Variants in PCSK5 observed in about 807,000 individuals in gnomAD.
The protein encoded by PCSK5 is prohormone convertase 5.
PCSK5 carries 129 observed loss-of-function variants against 233.2 expected under a neutral mutation model. That is an observed-to-expected ratio of 0.55 (90% CI 0.48 to 0.64). The LOEUF (loss-of-function observed/expected upper bound fraction) is 0.64. Ranked by LOEUF, PCSK5 falls within the 30% of genes least tolerant of loss-of-function variation. PCSK5 has a pLI of 0.00. For missense variants in PCSK5, 2,076 were observed against 2,430.1 expected (o/e 0.85, Z 3.06); for synonymous variants, 825 against 879.2 (o/e 0.94, Z 1.09).
At chr9:76,284,187 T>C (rs966663820) in intron 24 of PCSK5, among the ~76,000 whole-genome samples, 2 of 152,192 alleles carry the variant, frequency 1.3e-5, no homozygotes, top group Non-Finnish European at 2.9e-5. Flanking sequence ...TGTTCTACTC[T>C]AGCACATCTC....
chr9:76,008,254 G>A (rs1276426184), intron 3 of PCSK5, among the ~76,000 whole-genome samples: 2 of 151,962 alleles, frequency 1.3e-5, no homozygotes, highest in Admixed American at 1.3e-4. Context: ...GTAATTTGAG[G>A]TTTGTTGTGT....
At chr9:76,064,844 A>G (rs1297776547) in intron 5 of PCSK5, among the ~76,000 whole-genome samples, 5 of 151,966 alleles carry the variant, frequency 3.3e-5, no homozygotes, top group African/African-American at 9.7e-5. Flanking sequence ...CTCACTTCCT[A>G]GATGTGATCT....
intron 3 of PCSK5, among the ~76,000 whole-genome samples, chr9:76,011,339 A>G (rs557317029): frequency 6.6e-6 from 1 of 152,298 alleles, no homozygotes; most frequent in African/African-American, 2.4e-5. Flanking sequence ...TGGACATATT[A>G]TTGGCCTGTC....
chr9:76,190,739 G>A lies in PCSK5; in HGVS notation c.2626+993G>A, dbSNP rs543294633. ...TCTTACAGAAGGGAAAACCCAAGGT[G>A]TAGAGCTAGGAAATGATAGACCTAA... On this transcript the variant is annotated intron_variant, in intron 20 of 37. Transcript: ENST00000674117. Among the ~76,000 whole-genome samples the A allele has an allele frequency of 7.2e-5, 11 of 152,332 alleles. No homozygotes were observed. In the East Asian group the frequency reaches 2.1e-3, roughly 29 times the overall value.
chr9:76,230,851 C>T (rs200500781), intron 21 of PCSK5, among the ~76,000 whole-genome samples: 1 of 152,156 alleles, frequency 6.6e-6, no homozygotes, highest in East Asian at 1.9e-4. Flanking sequence ...GGAAAACAAG[C>T]TCAGGGCTCC....
intron 20 of PCSK5, among the ~76,000 whole-genome samples, chr9:76,216,152 T>C (rs1825522163): frequency 6.6e-6 from 1 of 152,076 alleles, no homozygotes; most frequent in African/African-American, 2.4e-5. Context: ...GACTTCTCTG[T>C]AGGACTAGGC....
At chr9:76,278,207 G>A (rs114618830) in intron 24 of PCSK5, among the ~76,000 whole-genome samples, 1,992 of 152,192 alleles carry the variant, frequency 0.013, 39 homozygotes, top group African/African-American at 0.045. Context: ...ACCCCATCTC[G>A]TATTCATTGG....
chr9:76,181,609 A>G lies in PCSK5; in HGVS notation c.2197+18A>G, dbSNP rs367782627. ...GGATACCAGTAAGCTCACTTCAAAT[A>G]CTTGGGTTTTAGAGAAGAAATGTGG... On this transcript the variant is annotated intron_variant, in intron 16 of 37. Coordinates refer to ENST00000674117, the MANE Select transcript of PCSK5 (RefSeq NM_001372043.1). 130 of 1,566,710 alleles carry G rather than the reference A, an allele frequency of 8.3e-5. No homozygotes were observed. The African/African-American group carries it at 1.5e-3, about 18-fold the overall frequency.
chr9:75,910,695 A>T (rs1822688132), intron 1 of PCSK5, among the ~76,000 whole-genome samples: 2 of 152,176 alleles, frequency 1.3e-5, no homozygotes, highest in South Asian at 2.1e-4. Flanking sequence ...AAAATTGTTT[A>T]ATAGAGAACT....
chr9:76,225,333 T>A (rs1049668003), intron 20 of PCSK5, among the ~76,000 whole-genome samples: 1 of 152,196 alleles, frequency 6.6e-6, no homozygotes, highest in Non-Finnish European at 1.5e-5. Flanking sequence ...AATGAATGAA[T>A]GGATAAGCTG....
intron 3 of PCSK5, among the ~76,000 whole-genome samples, chr9:76,022,166 C>T (rs1369230771): frequency 1.3e-5 from 2 of 152,166 alleles, no homozygotes; most frequent in East Asian, 3.8e-4. Context: ...ACACAAAGAG[C>T]CTTTAAAACA....
At chr9:76,351,620 GAGAA>G (rs1830165959) in intron 36 of PCSK5, among the ~76,000 whole-genome samples, 2 of 137,266 alleles carry the variant, frequency 1.5e-5, no homozygotes, top group African/African-American at 5.3e-5. Flanking sequence ...GAAAAAGAAA[GAGAA>G]AGAAAGAGAG....
intron 32 of PCSK5, among the ~76,000 whole-genome samples, chr9:76,326,852 A>G (rs949992378): frequency 1.2e-4 from 18 of 152,198 alleles, no homozygotes; most frequent in Non-Finnish European, 1.5e-5. Flanking sequence ...ACAGGGAGAT[A>G]GGCAGGATGG....
At chr9:76,258,661 T>A (rs1057291805) in intron 24 of PCSK5, among the ~76,000 whole-genome samples, 1 of 152,206 alleles carries the variant, frequency 6.6e-6, no homozygotes, top group Admixed American at 6.5e-5. Flanking sequence ...GATAAAATAC[T>A]ATATTTAAGG....
At chr9:75,982,298 C>T (rs915988597) in intron 2 of PCSK5, among the ~76,000 whole-genome samples, 4 of 152,138 alleles carry the variant, frequency 2.6e-5, no homozygotes, top group South Asian at 2.1e-4. Context: ...TAAATAACCT[C>T]GCACATTCAC....
chr9:75,945,031 C>A (rs1267284097), intron 2 of PCSK5, among the ~76,000 whole-genome samples: 1 of 151,888 alleles, frequency 6.6e-6, no homozygotes, highest in South Asian at 2.1e-4. Flanking sequence ...ATTGCTTGAA[C>A]TCGGGAGGTG....
intron 2 of PCSK5, among the ~76,000 whole-genome samples, chr9:75,946,262 C>T (rs1441761223): frequency 6.6e-6 from 1 of 152,144 alleles, no homozygotes; most frequent in South Asian, 2.1e-4. Flanking sequence ...TAAGTATAGA[C>T]ATTAGAGCAA....
chr9:76,360,555 TA>T lies in PCSK5; in HGVS notation c.*1635del, dbSNP rs1830414552. The stretch of plus-strand genomic sequence containing the variant: ...ACTAAATTCATGGATTTTCTTTTTT[TA>T]ACATAATGTATCACTGACACAGAAA... On this transcript the variant is annotated 3_prime_UTR_variant, in exon 38 of 38. Transcript: ENST00000674117. 6.6e-6 allele frequency: 1 copy of T among 152,230 alleles called. No individual in the cohort carries two copies. Among genetic ancestry groups the T allele is most frequent in the Non-Finnish European group, 1.5e-5 (1 of 68,038 alleles). 9.4% of individuals were successfully genotyped at this position (152,230 alleles called of 1,614,324 possible).
At chr9:75,897,683 G>A (rs1388400250) in intron 1 of PCSK5, among the ~76,000 whole-genome samples, 5 of 151,698 alleles carry the variant, frequency 3.3e-5, no homozygotes, top group South Asian at 2.1e-4. Flanking sequence ...TAGTAGAGAC[G>A]GGGTTTCACC....
Sources: gnomAD v4.1 joint callset for allele counts (sites outside exome capture counted in the v4.1 genomes callset) on GRCh38, gnomAD v4.1.1 for gene constraint, MANE v1.5 for transcripts, NCBI Gene and HGNC (gene_info 2026-07-23, HGNC 2026-07-21) for gene names.